STAT5B: variants seen among roughly 807,000 people sequenced by gnomAD.
STAT5B encodes transcription factor STAT5B.
In STAT5B, 21 loss-of-function variants were observed where a neutral mutation model predicts 107.8. That is an observed-to-expected ratio of 0.19 (90% CI 0.14 to 0.28). STAT5B has a LOEUF of 0.28. Ranked by LOEUF, STAT5B falls within the 10% of genes least tolerant of loss-of-function variation. STAT5B has a pLI of 1.00. For synonymous variants in STAT5B, 325 were observed against 401.7 expected, an observed-to-expected ratio of 0.81 and a Z score of 2.28; for missense variants, 565 against 1,008.2, an observed-to-expected ratio of 0.56 and a Z score of 5.95.
chr17:42,228,343 C>T (rs2080291142), intron 2 of STAT5B, among the ~76,000 whole-genome samples: 1 of 152,180 alleles, frequency 6.6e-6, no homozygotes, highest in Non-Finnish European at 1.5e-5. Context: ...TGATTTCAAG[C>T]TACTGAACTG....
intron 1 of STAT5B, chr17:42,270,395 C>A (rs1242054768): frequency 6.6e-6 from 1 of 152,014 alleles, no homozygotes; most frequent in Non-Finnish European, 1.5e-5. Context: ...CAACACAAAC[C>A]CACTACATTG....
At position 42,260,958 on chromosome 17, in the gene STAT5B, C is replaced by T. The variant is rs567171754; in HGVS notation, c.-11+15290G>A. On this transcript the variant is annotated intron_variant, in intron 1 of 18. Coordinates refer to ENST00000293328, the MANE Select transcript of STAT5B (RefSeq NM_012448.4). Reference sequence around the variant, plus strand: ...TTGAGACAGAGTCTCATTTTGTCGCCGAGGCTGAAGTGCAGTGGTGCAATC... The same window carrying T: ...TTGAGACAGAGTCTCATTTTGTCGCTGAGGCTGAAGTGCAGTGGTGCAATC... Among the ~76,000 whole-genome samples, 73 of 150,860 alleles carry T rather than the reference C, an allele frequency of 4.8e-4. No individual in the cohort carries two copies. The Middle Eastern group carries it at 0.01, about 21-fold the overall frequency.
intron 1 of STAT5B, among the ~76,000 whole-genome samples, chr17:42,238,314 CT>C (rs778903836): frequency 2.7e-3 from 373 of 137,728 alleles, no homozygotes; most frequent in Middle Eastern, 0.015. Flanking sequence ...AAGAAAAAAA[CT>C]TTTTTTTTTT....
intron 1 of STAT5B, among the ~76,000 whole-genome samples, chr17:42,262,964 GTGTGTGTA>G (rs1223605350): frequency 1.5e-3 from 58 of 39,372 alleles, no homozygotes; most frequent in Admixed American, 1.7e-3. Flanking sequence ...GTGTGTGTGT[GTGTGTGTA>G]TATATATATA....
intron 5 of STAT5B, among the ~76,000 whole-genome samples, chr17:42,220,801 T>C (rs1567660792): frequency 6.6e-6 from 1 of 152,070 alleles, no homozygotes; most frequent in Non-Finnish European, 1.5e-5. Context: ...AAAATTATTA[T>C]GAAATAGGTA....
At chr17:42,229,575 A>G (rs2080301687) in intron 2 of STAT5B, among the ~76,000 whole-genome samples, 1 of 151,998 alleles carries the variant, frequency 6.6e-6, no homozygotes. Context: ...GCTTAAACAT[A>G]AAGAACTAAA....
Position 42,207,711 on chromosome 17 carries a change from T to G in STAT5B, c.1924A>C (p.Asn642His), listed in dbSNP as rs938448224. The stretch of plus-strand genomic sequence containing the variant: ...TCTCTGGTGGTAAAAGGCATCAGAT[T>G]CCAAAACATTCTTTCCTCTAGATCA... ...KFDSQERMFW[N>H]LMPFTTRDFS... is the part of the protein sequence containing the mutation. The change falls in exon 16 of 19, where the codon AAT becomes CAT. Residue 642 changes from asparagine (N) to histidine (H), a missense_variant. Physicochemically the swap from Asn to His is moderately conservative, Grantham distance 68. This residue lies in a region of STAT5B where 38 missense variants were observed against 79.5 expected (regional missense o/e 0.48). Coordinates refer to ENST00000293328, the MANE Select transcript of STAT5B (RefSeq NM_012448.4). 4 of 1,613,972 alleles carry G rather than the reference T, an allele frequency of 2.5e-6. No individual in the cohort carries two copies. Among genetic ancestry groups the G allele is most frequent in the Admixed American group, 1.7e-5 (1 of 59,972 alleles).
chr17:42,285,851 G>A, the STAT5B span, among the ~76,000 whole-genome samples: 32 of 152,192 alleles, frequency 2.1e-4, no homozygotes, highest in African/African-American at 6.7e-4. Context: ...CTGAAGAAAT[G>A]GAGAGAAACC....
the STAT5B span, among the ~76,000 whole-genome samples, chr17:42,285,236 C>T: frequency 2.6e-5 from 4 of 151,740 alleles, no homozygotes; most frequent in East Asian, 1.9e-4. Context: ...ATTACAGGTG[C>T]GTGACACCAC....
chr17:42,257,148 T>C (rs904834995), intron 1 of STAT5B, among the ~76,000 whole-genome samples: 3 of 152,180 alleles, frequency 2.0e-5, no homozygotes, highest in Non-Finnish European at 4.4e-5. Context: ...AAAACAGACA[T>C]GCTTTATGTA....
At chr17:42,217,522 G>C in intron 9 of STAT5B, 58 bp from the exon 10 acceptor site, 1 of 1,588,672 alleles carries the variant, frequency 6.3e-7, no homozygotes, top group Non-Finnish European at 8.6e-7. Context: ...GACATGCGGA[G>C]TAAATAATAT....
At chr17:42,265,374 C>CTTTTTTTTTTTTTTT (rs1275073687) in intron 1 of STAT5B, among the ~76,000 whole-genome samples, 12 of 99,290 alleles carry the variant, frequency 1.2e-4, no homozygotes, top group African/African-American at 5.5e-4. Context: ...GGTATGTACT[C>CTTTTTTTTTTTTTTT]TTCTTTTTTT....
At position 42,201,172 on chromosome 17, in the gene STAT5B, C is replaced by A. The variant is rs972766303; in HGVS notation, c.*566G>T. On this transcript the variant is annotated 3_prime_UTR_variant, in exon 19 of 19. Coordinates refer to ENST00000293328, the MANE Select transcript of STAT5B (RefSeq NM_012448.4). ...TAGGTTGCCCCTTTTCCCATTCCTA[C>A]CCAAGAACACAGGGGTGGGGGAGAG... 1.6e-4 allele frequency: 67 copies of A among 409,514 alleles called. No individual in the cohort carries two copies. Among genetic ancestry groups the A allele is most frequent in the Non-Finnish European group, 2.2e-5 (5 of 232,298 alleles). The allele number at this position is 409,514 out of a possible 1,614,324, so 25.4% of individuals were successfully genotyped here.
chr17:42,224,655 A>C, intron 4 of STAT5B, 124 bp downstream of exon 4: 1 of 953,366 alleles, frequency 1.0e-6, no homozygotes, highest in Non-Finnish European at 1.6e-6. Flanking sequence ...GCCCCTTAGG[A>C]TGAAGCTCTC....
intron 1 of STAT5B, among the ~76,000 whole-genome samples, chr17:42,232,648 C>T (rs1445004262): frequency 6.6e-6 from 1 of 152,160 alleles, no homozygotes; most frequent in Admixed American, 6.5e-5. Context: ...TCAGCCTGGC[C>T]ATGGAAAGAT....
chr17:42,224,930 C>T (rs543775353), intron 3 of STAT5B, 62 bp from the exon 4 acceptor site: 714 of 1,576,284 alleles, frequency 4.5e-4, no homozygotes, highest in Non-Finnish European at 6.1e-4. Flanking sequence ...CCTAACCATG[C>T]CTCAGGATGG....
At chr17:42,216,678 T>G (rs1261890047) in intron 11 of STAT5B, among the ~76,000 whole-genome samples, 2 of 151,920 alleles carry the variant, frequency 1.3e-5, no homozygotes, top group African/African-American at 4.8e-5. Flanking sequence ...GCACTGGGCC[T>G]TGCTTGTTCA....
intron 1 of STAT5B, among the ~76,000 whole-genome samples, chr17:42,258,595 C>G (rs2080567368): frequency 6.6e-6 from 1 of 152,252 alleles, no homozygotes; most frequent in African/African-American, 2.4e-5. Flanking sequence ...ACGAGAATCA[C>G]TTGAACCTGG....
chr17:42,280,545 C>T (rs1270114157), upstream of STAT5B, among the ~76,000 whole-genome samples: 3 of 152,024 alleles, frequency 2.0e-5, no homozygotes, highest in Admixed American at 6.5e-5. Context: ...GGGCAACCAC[C>T]GGCCACACAT....
Sources: gnomAD v4.1 joint callset for allele counts (sites outside exome capture counted in the v4.1 genomes callset) on GRCh38, gnomAD v4.1.1 for gene constraint, gnomAD v4.1.1 regional missense constraint, MANE v1.5 for transcripts, NCBI Gene and HGNC (gene_info 2026-07-23, HGNC 2026-07-21) for gene names.